The following TBC1D9 variants were observed in gnomAD, a reference collection of about 807,000 sequenced individuals.
TBC1D9 encodes TBC1 domain family member 9, also known as TBC1 domain family member 9A.
Under a neutral mutation model 132.0 loss-of-function variants are expected in TBC1D9, and 63 were observed. The observed-to-expected ratio is 0.48, with a 90% confidence interval of 0.39 to 0.59. The LOEUF is 0.59. Among genes scored for constraint, TBC1D9 ranks in the 20% least tolerant of loss-of-function variants. TBC1D9 has a pLI of 0.00. For missense variants in TBC1D9, 1,261 were observed against 1,592.7 expected, an observed-to-expected ratio of 0.79 and a Z score of 3.54; for synonymous variants, 610 against 609.9, an observed-to-expected ratio of 1.00 and a Z score of 0.00.
intron 2 of TBC1D9, among the ~76,000 whole-genome samples, chr4:140,701,188 G>A (rs970721955): frequency 2.0e-4 from 30 of 152,144 alleles, no homozygotes. Flanking sequence ...CTGGGCCAAG[G>A]AAGTTAAACA....
At chr4:140,672,498 G>A (rs1249038502) in intron 6 of TBC1D9, among the ~76,000 whole-genome samples, 1 of 151,994 alleles carries the variant, frequency 6.6e-6, no homozygotes, top group Non-Finnish European at 1.5e-5. Flanking sequence ...GAGGTGTCTG[G>A]GATAAATGGA....
chr4:140,654,487 T>C (rs111764672), intron 13 of TBC1D9, among the ~76,000 whole-genome samples: 18,086 of 146,630 alleles, frequency 0.12, 1,282 homozygotes, highest in East Asian at 0.24. Context: ...GGGGGGGTAC[T>C]ACGAATTAAA....
chr4:140,747,141 A>C (rs1738848971), intron 1 of TBC1D9, among the ~76,000 whole-genome samples: 1 of 152,176 alleles, frequency 6.6e-6, no homozygotes, highest in South Asian at 2.1e-4. Context: ...TGAGGTCAGA[A>C]GTTTGAGACT....
chr4:140,746,857 A>G (rs1162910461), intron 1 of TBC1D9, among the ~76,000 whole-genome samples: 1 of 152,096 alleles, frequency 6.6e-6, no homozygotes, highest in Non-Finnish European at 1.5e-5. Context: ...CAGCCAAAGC[A>G]TATCAGTCTT....
intron 9 of TBC1D9, 28 bp from the exon 10 acceptor site, chr4:140,662,135 C>CA (rs780988398): frequency 1.3e-6 from 2 of 1,579,012 alleles, no homozygotes; most frequent in Non-Finnish European, 1.7e-6. Context: ...GATACAGTAT[C>CA]AAAAACGTGA....
intron 9 of TBC1D9, among the ~76,000 whole-genome samples, chr4:140,664,471 A>G (rs1042159881): frequency 3.3e-5 from 5 of 152,144 alleles, no homozygotes; most frequent in Non-Finnish European, 7.4e-5. Flanking sequence ...TCCTTTTTGC[A>G]AAAATTGGCT....
chr4:140,670,925 AC>A lies in TBC1D9; in HGVS notation c.1060del (p.Val354Ter). The A allele has an allele frequency of 6.2e-7, 1 of 1,613,580 alleles. No individual in the cohort carries two copies. The highest frequency in any genetic ancestry group is 8.5e-7 in the Non-Finnish European group (1 of 1,179,576). ...LCSLIIPLREVTIVEKADSSS... is the reference protein window; with the variant it reads ...LCSLIIPLREXTIVEKADSSS... ...GCTGTCTGCCTTTTCCACAATTGTC[AC>A]CTGAAAAGAAGTGGGAAACAAAGAG... On this transcript the variant is annotated frameshift_variant and splice_region_variant, in exon 7 of 21. Coordinates refer to ENST00000442267, the MANE Select transcript of TBC1D9 (RefSeq NM_015130.3). LOFTEE classifies it high-confidence loss of function.
chr4:140,717,615 A>G (rs1230770589), intron 1 of TBC1D9, among the ~76,000 whole-genome samples: 4 of 152,252 alleles, frequency 2.6e-5, no homozygotes, highest in Admixed American at 6.5e-5. Flanking sequence ...ATCTCATCTC[A>G]GAACTTGCTG....
chr4:140,730,684 C>T (rs1228878768), intron 1 of TBC1D9, among the ~76,000 whole-genome samples: 1 of 152,110 alleles, frequency 6.6e-6, no homozygotes, highest in Non-Finnish European at 1.5e-5. Flanking sequence ...CTAGATCTCA[C>T]CACTGCACTC....
chr4:140,670,619 G>C (rs1737519730), intron 7 of TBC1D9, 101 bp downstream of exon 7: 2 of 918,010 alleles, frequency 2.2e-6, no homozygotes, highest in South Asian at 3.1e-5. Flanking sequence ...TTGGGCGTCA[G>C]ACGCAAAGCT....
At chr4:140,636,174 T>C (rs1322914818) in intron 15 of TBC1D9, among the ~76,000 whole-genome samples, 1 of 152,150 alleles carries the variant, frequency 6.6e-6, no homozygotes, top group African/African-American at 2.4e-5. Flanking sequence ...TTGGGGACTA[T>C]GGGCCCAGAG....
intron 15 of TBC1D9, 108 bp from the exon 16 acceptor site, chr4:140,634,296 C>T (rs1385699462): frequency 6.1e-6 from 9 of 1,484,054 alleles, no homozygotes; most frequent in Middle Eastern, 2.4e-4. Flanking sequence ...TGTGTGCATC[C>T]CCTGGGGCAG....
chr4:140,642,105 C>A, intron 13 of TBC1D9: 1 of 734,662 alleles, frequency 1.4e-6, no homozygotes, highest in Non-Finnish European at 2.5e-6. Flanking sequence ...GTGCCAGGCC[C>A]TCTTGGTCAG....
chr4:140,622,577 G>A lies in TBC1D9; in HGVS notation c.3419C>T (p.Pro1140Leu), dbSNP rs777676054. Residue 1140 changes from proline (P) to leucine (L), a missense_variant, in exon 21 of 21, where the codon CCC becomes CTC. Pro to Leu is a moderately conservative substitution (Grantham distance 98, BLOSUM62 -3). Transcript: ENST00000442267. ...GGAGGAGCAGGCCCCGTTGTCCCGG[G>A]GCGAGGAGTCCTCCAGCTTGATGTC... is the stretch of plus-strand genomic sequence containing the variant. ...MEDIKLEDSSPRDNGACSSML... is the reference protein window; with the variant it reads ...MEDIKLEDSSLRDNGACSSML... 3.1e-6 allele frequency: 5 copies of A among 1,613,908 alleles called. No homozygotes were observed. Among genetic ancestry groups the A allele is most frequent in the African/African-American group, 2.7e-5 (2 of 74,948 alleles).
intron 5 of TBC1D9, among the ~76,000 whole-genome samples, chr4:140,678,290 G>T (rs1335988063): frequency 1.3e-5 from 2 of 152,144 alleles, no homozygotes; most frequent in Non-Finnish European, 2.9e-5. Context: ...TGAGCTACAG[G>T]CACCTCAATT....
chr4:140,643,969 C>CCAGCGGCTCTTCCTCCGGGTCCTCCCG (rs1737055626), intron 13 of TBC1D9: 4 of 590,636 alleles, frequency 6.8e-6, no homozygotes, highest in Non-Finnish European at 1.3e-5. Context: ...TCCTGTTCAG[C>CCAGCGGCTCTTCCTCCGGGTCCTCCCG]CAGCGGCTCT....
At chr4:140,650,489 C>T (rs148098448) in intron 13 of TBC1D9, among the ~76,000 whole-genome samples, 47 of 152,262 alleles carry the variant, frequency 3.1e-4, no homozygotes, top group African/African-American at 1.1e-3. Flanking sequence ...ATGAGCGACG[C>T]CACAGTCATG....
At chr4:140,747,349 CA>C (rs201840905) in intron 1 of TBC1D9, among the ~76,000 whole-genome samples, 62 of 144,506 alleles carry the variant, frequency 4.3e-4, no homozygotes, top group Non-Finnish European at 4.1e-4. Flanking sequence ...GAGACTCTGT[CA>C]AAAAAAAAAA....
intron 15 of TBC1D9, among the ~76,000 whole-genome samples, chr4:140,638,358 A>C (rs922876058): frequency 1.3e-5 from 2 of 152,044 alleles, no homozygotes; most frequent in African/African-American, 4.8e-5. Flanking sequence ...TTTATTTATG[A>C]CCATAATACT....
Sources: gnomAD v4.1 joint callset for allele counts (sites outside exome capture counted in the v4.1 genomes callset) on GRCh38, gnomAD v4.1.1 for gene constraint, MANE v1.5 for transcripts, NCBI Gene and HGNC (gene_info 2026-07-23, HGNC 2026-07-21) for gene names.